Variants in SYT9 observed in about 807,000 individuals in gnomAD.
The protein encoded by SYT9 is synaptotagmin 9, also known as synaptotagmin-9.
A neutral mutation model predicts 48.4 loss-of-function variants in SYT9; 22 were observed. That is an observed-to-expected ratio of 0.45 (90% CI 0.32 to 0.65). SYT9 has a LOEUF of 0.65. SYT9 is among the 30% of genes least tolerant of loss of function. SYT9 has a pLI of 0.03. For missense variants in SYT9, 577 were observed against 622.0 expected, an observed-to-expected ratio of 0.93 and a Z score of 0.77; for synonymous variants, 265 against 245.0, an observed-to-expected ratio of 1.08 and a Z score of -0.76.
rs1422464324 is a variant in SYT9, at chr11:7,313,711, C to T, written c.814C>T (p.His272Tyr). The change falls in exon 3 of 7, where the codon CAC becomes TAC. Residue 272 changes from histidine to tyrosine, a missense_variant. Physicochemically the swap from His to Tyr is moderately conservative, Grantham distance 83 (BLOSUM62 2). Transcript: ENST00000318881. ...IYLLPDRKTK[H>Y]QTKVHRKTLN... ...TTTGCTTCCTGATCGGAAAACAAAA[C>T]ACCAGACTAAAGTTCACAGAAAGAC... 8 of 1,614,068 alleles carry T rather than the reference C, an allele frequency of 5.0e-6. No homozygotes were observed. The highest frequency in any genetic ancestry group is 6.8e-6 in the Non-Finnish European group (8 of 1,180,034).
At chr11:7,268,558 T>C (rs1848234956) in intron 1 of SYT9, among the ~76,000 whole-genome samples, 1 of 151,972 alleles carries the variant, frequency 6.6e-6, no homozygotes, top group African/African-American at 2.4e-5. Flanking sequence ...TGGTAGGGGT[T>C]TAAGACTACA....
chr11:7,455,500 A>G (rs1240128019), intron 6 of SYT9, among the ~76,000 whole-genome samples: 1 of 131,376 alleles, frequency 7.6e-6, no homozygotes, highest in Non-Finnish European at 1.6e-5. Context: ...CGCCTGGTTA[A>G]TTTTTGTATT....
chr11:7,382,337 A>G (rs148616351), intron 3 of SYT9, among the ~76,000 whole-genome samples: 19 of 152,322 alleles, frequency 1.2e-4, no homozygotes, highest in Non-Finnish European at 2.2e-4. Flanking sequence ...TATAAATGTC[A>G]TGACTTGCAG....
At chr11:7,354,224 C>CT (rs1358579037) in intron 3 of SYT9, among the ~76,000 whole-genome samples, 1 of 152,202 alleles carries the variant, frequency 6.6e-6, no homozygotes, top group Non-Finnish European at 1.5e-5. Context: ...CTGATCTAAG[C>CT]TACCCCCTTG....
In SYT9 at chr11:7,419,379, G is replaced by A. The variant is rs568597579; in HGVS notation, c.1338-1127G>A. On this transcript the variant is annotated intron_variant, in intron 5 of 6. Coordinates refer to ENST00000318881, the MANE Select transcript of SYT9 (RefSeq NM_175733.4). ...GGGCAGAGACTCAAATATCCTTCAC[G>A]TGACCTCCCCACCCTCATCTCACCT... Among the ~76,000 whole-genome samples, 22 of 151,766 alleles carry A rather than the reference G, an allele frequency of 1.4e-4. No homozygotes were observed. The South Asian group carries it at 3.5e-3, about 24-fold the overall frequency.
intron 3 of SYT9, among the ~76,000 whole-genome samples, chr11:7,401,669 CAT>C (rs1846895404): frequency 6.6e-6 from 1 of 151,544 alleles, no homozygotes; most frequent in Admixed American, 6.6e-5. Context: ...AATTTCTTGT[CAT>C]AAAATTATTC....
At chr11:7,335,991 C>T (rs1450383658) in intron 3 of SYT9, among the ~76,000 whole-genome samples, 1 of 152,162 alleles carries the variant, frequency 6.6e-6, no homozygotes, top group Non-Finnish European at 1.5e-5. Context: ...TCTCCATAAC[C>T]TTGCCAGCGT....
At chr11:7,406,271 A>G (rs978942659) in intron 3 of SYT9, among the ~76,000 whole-genome samples, 2 of 151,938 alleles carry the variant, frequency 1.3e-5, no homozygotes, top group African/African-American at 4.8e-5. Flanking sequence ...CTATTCTTCT[A>G]TCAAACTGTA....
chr11:7,313,683 C>G lies in SYT9; in HGVS notation c.786C>G (p.Ile262Met), dbSNP rs1224791658. The change falls in exon 3 of 7, where the codon ATC (isoleucine) becomes ATG (methionine). Residue 262 changes from isoleucine to methionine, a missense_variant. By Grantham distance (10) the Ile-to-Met change is conservative. Coordinates refer to ENST00000318881, the MANE Select transcript of SYT9 (RefSeq NM_175733.4). ...GGACTTCAGATCCTTATGTCAAGAT[C>G]TATTTGCTTCCTGATCGGAAAACAA... ...FSGTSDPYVK[I>M]YLLPDRKTKH... is the part of the protein sequence containing the mutation. 3 of 1,614,094 alleles carry G rather than the reference C, an allele frequency of 1.9e-6. No homozygotes were observed. The highest frequency in any genetic ancestry group is 8.5e-7 in the Non-Finnish European group (1 of 1,180,032).
intron 2 of SYT9, among the ~76,000 whole-genome samples, chr11:7,308,641 A>G (rs1485841768): frequency 2.6e-5 from 4 of 152,196 alleles, no homozygotes; most frequent in African/African-American, 9.6e-5. Flanking sequence ...GCCCAGCTCA[A>G]GTATCATCTC....
chr11:7,416,698 G>A (rs1450572599), intron 4 of SYT9, among the ~76,000 whole-genome samples: 7 of 152,128 alleles, frequency 4.6e-5, no homozygotes, highest in Admixed American at 3.3e-4. Context: ...ATGCAAATAC[G>A]ATGCCATTTT....
At chr11:7,319,998 T>G (rs1849310826) in intron 3 of SYT9, among the ~76,000 whole-genome samples, 1 of 152,306 alleles carries the variant, frequency 6.6e-6, no homozygotes, top group South Asian at 2.1e-4. Flanking sequence ...TTCAAACCTA[T>G]TGCAAGAAAC....
chr11:7,369,719 G>T (rs1465723846), intron 3 of SYT9, among the ~76,000 whole-genome samples: 2 of 147,504 alleles, frequency 1.4e-5, no homozygotes, highest in South Asian at 2.1e-4. Flanking sequence ...CGGATAATGG[G>T]TTTTTTTTTA....
intron 5 of SYT9, among the ~76,000 whole-genome samples, chr11:7,418,709 C>A (rs963268919): frequency 6.6e-6 from 1 of 152,150 alleles, no homozygotes; most frequent in Non-Finnish European, 1.5e-5. Flanking sequence ...AGATGCTCAA[C>A]TTTTTAATTA....
intron 3 of SYT9, among the ~76,000 whole-genome samples, chr11:7,372,228 A>G (rs1026585744): frequency 7.2e-5 from 11 of 152,056 alleles, no homozygotes; most frequent in Admixed American, 7.2e-4. Context: ...GCTTTTCTGT[A>G]TGACTAATGA....
chr11:7,451,775 G>A (rs1436850355), intron 6 of SYT9, among the ~76,000 whole-genome samples: 1 of 152,166 alleles, frequency 6.6e-6, no homozygotes, highest in African/African-American at 2.4e-5. Flanking sequence ...AAATAATAGA[G>A]TGCACTCCGG....
At chr11:7,266,589 A>G (rs1032168318) in intron 1 of SYT9, among the ~76,000 whole-genome samples, 39 of 152,194 alleles carry the variant, frequency 2.6e-4, no homozygotes, top group African/African-American at 8.9e-4. Context: ...TTTCGATTGC[A>G]TTGTCTTCTT....
chr11:7,265,832 G>A (rs1365432899), intron 1 of SYT9, among the ~76,000 whole-genome samples: 1 of 152,092 alleles, frequency 6.6e-6, no homozygotes, highest in Non-Finnish European at 1.5e-5. Flanking sequence ...CGCTAGGCAA[G>A]TAATATGATT....
intron 1 of SYT9, among the ~76,000 whole-genome samples, chr11:7,294,275 T>C (rs568301008): frequency 7.2e-5 from 11 of 152,294 alleles, no homozygotes; most frequent in African/African-American, 2.6e-4. Flanking sequence ...TCTATATCAT[T>C]CCACTGCTAG....
Sources: gnomAD v4.1 joint callset for allele counts (sites outside exome capture counted in the v4.1 genomes callset) on GRCh38, gnomAD v4.1.1 for gene constraint, MANE v1.5 for transcripts, NCBI Gene and HGNC (gene_info 2026-07-23, HGNC 2026-07-21) for gene names.